Variants in MECOM observed in about 807,000 individuals in gnomAD.
MECOM encodes MDS1 and EVI1 complex locus, also known as histone-lysine N-methyltransferase MECOM.
MECOM carries 13 observed loss-of-function variants against 116.3 expected under a neutral mutation model. The observed-to-expected ratio is 0.11, with a 90% confidence interval of 0.07 to 0.18. MECOM has a LOEUF of 0.18. MECOM is among the 10% of genes least tolerant of loss of function. The pLI, the probability that MECOM is intolerant of heterozygous loss-of-function variation, is 1.00. For synonymous variants in MECOM, 528 were observed against 535.2 expected, an observed-to-expected ratio of 0.99 and a Z score of 0.19; for missense variants, 1,299 against 1,509.0, an observed-to-expected ratio of 0.86 and a Z score of 2.31.
intron 1 of MECOM, among the ~76,000 whole-genome samples, chr3:169,612,683 C>G (rs754026368): frequency 4.6e-5 from 7 of 152,070 alleles, no homozygotes; most frequent in Non-Finnish European, 8.8e-5. Flanking sequence ...GCAAATGGAA[C>G]TTGAGCCTCA....
At chr3:169,155,721 C>T (rs868313629) in intron 2 of MECOM, among the ~76,000 whole-genome samples, 5 of 152,046 alleles carry the variant, frequency 3.3e-5, no homozygotes, top group African/African-American at 1.2e-4. Context: ...CTTTCTAGGC[C>T]CATTTCCTGC....
At chr3:169,115,322 C>G (rs1728798364) in intron 8 of MECOM, 61 bp downstream of exon 8, 2 of 1,522,362 alleles carry the variant, frequency 1.3e-6, no homozygotes, top group South Asian at 2.6e-5. Flanking sequence ...CATCACTTTA[C>G]AGTGGAAATA....
chr3:169,232,574 A>G (rs1249129824), intron 2 of MECOM, among the ~76,000 whole-genome samples: 1 of 152,090 alleles, frequency 6.6e-6, no homozygotes, highest in Non-Finnish European at 1.5e-5. Flanking sequence ...TTACAGGAAG[A>G]AATGAGTTGC....
intron 1 of MECOM, chr3:169,483,718 A>C: frequency 6.3e-7 from 1 of 1,584,880 alleles, no homozygotes; most frequent in Non-Finnish European, 8.6e-7. Context: ...ATCTGGAAGT[A>C]ACGTAATTCG....
intron 12 of MECOM, 30 bp from the exon 13 acceptor site, chr3:169,095,275 C>T (rs1205597297): frequency 1.3e-6 from 2 of 1,585,510 alleles, no homozygotes; most frequent in Non-Finnish European, 1.7e-6. Context: ...AAAATATTAG[C>T]AAGCACATTA....
chr3:169,418,682 G>A (rs142385396), intron 1 of MECOM, among the ~76,000 whole-genome samples: 4,819 of 152,052 alleles, frequency 0.032, 185 homozygotes, highest in African/African-American at 0.089. Context: ...AAAGGCCTTC[G>A]ATAAAATTCA....
intron 1 of MECOM, among the ~76,000 whole-genome samples, chr3:169,456,685 G>A (rs1156343273): frequency 6.6e-6 from 1 of 152,060 alleles, no homozygotes; most frequent in Non-Finnish European, 1.5e-5. Flanking sequence ...CCTAGGGGAG[G>A]GACTTTGCAC....
intron 1 of MECOM, among the ~76,000 whole-genome samples, chr3:169,512,187 C>CTT (rs1756054425): frequency 6.6e-6 from 1 of 152,162 alleles, no homozygotes; most frequent in South Asian, 2.1e-4. Flanking sequence ...TGAATTAACA[C>CTT]TTTTTGAAAT....
rs537763522 is a variant in MECOM, at chr3:169,270,581, T to C, written c.375+110606A>G. Among the ~76,000 whole-genome samples, 8 of 152,244 alleles carry C rather than the reference T, an allele frequency of 5.3e-5. No individual in the cohort carries two copies. In the South Asian group the frequency reaches 1.5e-3, roughly 28 times the overall value. ...AAGAACAGAAATTTTATAATATGTA[T>C]ACAAATATTAAAGTGTTTACAATCT... is the stretch of plus-strand genomic sequence containing the variant. On this transcript the variant is annotated intron_variant, in intron 2 of 16. Coordinates refer to ENST00000651503, the MANE Select transcript of MECOM (RefSeq NM_004991.4).
At chr3:169,432,825 G>C (rs1003254326) in intron 1 of MECOM, among the ~76,000 whole-genome samples, 15 of 152,208 alleles carry the variant, frequency 9.9e-5, no homozygotes, top group Admixed American at 5.2e-4. Context: ...AAGGTTAAAG[G>C]CTACAGTAGA....
At chr3:169,367,640 G>A (rs567933497) in intron 2 of MECOM, among the ~76,000 whole-genome samples, 1 of 152,044 alleles carries the variant, frequency 6.6e-6, no homozygotes, top group Non-Finnish European at 1.5e-5. Flanking sequence ...CCTAGGATTA[G>A]ATTAAGAAGT....
At chr3:169,615,395 G>A (rs1360630400) in intron 1 of MECOM, among the ~76,000 whole-genome samples, 2 of 152,148 alleles carry the variant, frequency 1.3e-5, no homozygotes, top group African/African-American at 4.8e-5. Context: ...TAAATTAAAA[G>A]TTATTTCTAC....
In MECOM at chr3:169,501,830, TA is replaced by T. The variant is rs781760323; in HGVS notation, c.38-120307del. On this transcript the variant is annotated intron_variant, in intron 1 of 16. Coordinates refer to ENST00000651503, the MANE Select transcript of MECOM (RefSeq NM_004991.4). Reference sequence around the variant, plus strand: ...GCTTCCAAAGCTATACTCAAGCTTTTATTTTTTTAATTTATAATTATGTTTA... The same window carrying T: ...GCTTCCAAAGCTATACTCAAGCTTTTTTTTTTTAATTTATAATTATGTTTA... Among the ~76,000 whole-genome samples the T allele has an allele frequency of 2.0e-5, 3 of 152,078 alleles. No individual in the cohort carries two copies. In the East Asian group the frequency reaches 5.8e-4, roughly 29 times the overall value.
At chr3:169,117,200 T>C (rs1015995778) in intron 7 of MECOM, among the ~76,000 whole-genome samples, 1 of 152,136 alleles carries the variant, frequency 6.6e-6, no homozygotes, top group Non-Finnish European at 1.5e-5. Flanking sequence ...AAATAAAATA[T>C]CCTCAACCAG....
intron 1 of MECOM, among the ~76,000 whole-genome samples, chr3:169,524,534 G>A (rs1205366503): frequency 1.3e-5 from 2 of 152,134 alleles, no homozygotes; most frequent in Non-Finnish European, 2.9e-5. Flanking sequence ...GGCTAAGAGT[G>A]GCCATTAAGA....
rs573843690 is a variant in MECOM, at chr3:169,572,323, T to C, written c.37+91013A>G. Among the ~76,000 whole-genome samples, 284 of 152,298 alleles carry C rather than the reference T, an allele frequency of 1.9e-3. 3 individuals carry two copies. Among genetic ancestry groups the C allele is most frequent in the African/African-American group, 6.6e-3 (274 of 41,570 alleles). Reference sequence around the variant, plus strand: ...CTCATACCAGTTAGAATGGCAATCATTAAAAAGTCAGGAAACAACAGATGC... The same window carrying C: ...CTCATACCAGTTAGAATGGCAATCACTAAAAAGTCAGGAAACAACAGATGC... On this transcript the variant is annotated intron_variant, in intron 1 of 16. Transcript: ENST00000651503.
intron 2 of MECOM, among the ~76,000 whole-genome samples, chr3:169,379,590 G>T (rs1050971523): frequency 6.6e-6 from 1 of 152,018 alleles, no homozygotes; most frequent in Non-Finnish European, 1.5e-5. Context: ...TTTTCCCCAG[G>T]TTCATCCACC....
intron 2 of MECOM, among the ~76,000 whole-genome samples, chr3:169,259,316 C>G (rs545622002): frequency 9.2e-5 from 14 of 152,240 alleles, no homozygotes; most frequent in Admixed American, 2.0e-4. Flanking sequence ...ATACCGACAC[C>G]GGCTCAAATC....
At chr3:169,227,113 T>C (rs1372654982) in intron 2 of MECOM, among the ~76,000 whole-genome samples, 2 of 152,056 alleles carry the variant, frequency 1.3e-5, no homozygotes, top group African/African-American at 2.4e-5. Context: ...ATAGTCATGG[T>C]GATGGATTTC....
Sources: allele counts gnomAD v4.1 joint callset (sites outside exome capture counted in the v4.1 genomes callset), GRCh38; gene constraint gnomAD v4.1.1; transcripts MANE v1.5; gene names NCBI Gene and HGNC (gene_info 2026-07-23, HGNC 2026-07-21).